HHAT: variants seen among roughly 807,000 people sequenced by gnomAD.
HHAT encodes the protein hedgehog acyltransferase, also known as protein-cysteine N-palmitoyltransferase HHAT.
HHAT carries 47 observed loss-of-function variants against 70.8 expected under a neutral mutation model. The ratio of observed to expected loss-of-function variants is 0.66; its 90% confidence interval spans 0.53 to 0.85. HHAT has a LOEUF of 0.85. Among genes scored for constraint, HHAT ranks in the 40% least tolerant of loss-of-function variants. HHAT has a pLI of 0.00. For synonymous variants in HHAT, 228 were observed against 247.6 expected, an observed-to-expected ratio of 0.92 and a Z score of 0.74; for missense variants, 609 against 604.8, an observed-to-expected ratio of 1.01 and a Z score of -0.07.
chr1:210,555,798 G>A (rs945237719), intron 9 of HHAT, among the ~76,000 whole-genome samples: 1 of 152,158 alleles, frequency 6.6e-6, no homozygotes, highest in South Asian at 2.1e-4. Context: ...ATTCTGCACT[G>A]GTGGCCTCAT....
chr1:210,510,854 C>T (rs1284532905), intron 8 of HHAT, among the ~76,000 whole-genome samples: 2 of 152,210 alleles, frequency 1.3e-5, no homozygotes, highest in African/African-American at 4.8e-5. Flanking sequence ...CCACTATATA[C>T]TGCGGATCTC....
chr1:210,627,567 T>A (rs1670058412), intron 11 of HHAT, among the ~76,000 whole-genome samples: 1 of 151,878 alleles, frequency 6.6e-6, no homozygotes, highest in South Asian at 2.1e-4. Context: ...GTCTAAAGAG[T>A]GGAAGACAGA....
chr1:210,338,324 A>G (rs1031105978), intron 1 of HHAT, among the ~76,000 whole-genome samples: 1 of 152,188 alleles, frequency 6.6e-6, no homozygotes, highest in African/African-American at 2.4e-5. Context: ...TGAACAACAG[A>G]GAGTGAGACC....
At chr1:210,339,859 A>G (rs1214227054) in intron 1 of HHAT, among the ~76,000 whole-genome samples, 1 of 152,144 alleles carries the variant, frequency 6.6e-6, no homozygotes, top group African/African-American at 2.4e-5. Flanking sequence ...AATACATAAT[A>G]TGTTGGTGCG....
chr1:210,503,789 G>T (rs2094803870), intron 8 of HHAT, among the ~76,000 whole-genome samples: 1 of 152,078 alleles, frequency 6.6e-6, no homozygotes, highest in Admixed American at 6.5e-5. Context: ...CTTTCATTTG[G>T]CAAATGTGTC....
At position 210,464,563 on chromosome 1, in the gene HHAT, C is replaced by G; in HGVS notation, c.915C>G (p.Gly305=). Residue 305 remains glycine (G), a synonymous_variant, in exon 8 of 12, where the codon GGC becomes GGG. Coordinates refer to ENST00000261458, the MANE Select transcript of HHAT (RefSeq NM_018194.6). ...ACGTGAAGTACTTGGTGCTCTTTGG[C>G]GTGCCTGCTCTGCTCATGCGCCTGG... ...FFYVKYLVLF[G]VPALLMRLDG... 6.2e-7 allele frequency: 1 copy of G among 1,614,124 alleles called. No homozygotes were observed. The highest frequency in any genetic ancestry group is 8.5e-7 in the Non-Finnish European group (1 of 1,180,002).
At chr1:210,506,185 G>A (rs1158734254) in intron 8 of HHAT, among the ~76,000 whole-genome samples, 1 of 152,198 alleles carries the variant, frequency 6.6e-6, no homozygotes. Flanking sequence ...AGGCTCTAAT[G>A]AGTACAGCAG....
intron 4 of HHAT, among the ~76,000 whole-genome samples, 187 bp downstream of exon 4, chr1:210,387,768 C>T (rs867641923): frequency 6.6e-6 from 1 of 152,186 alleles, no homozygotes; most frequent in Admixed American, 6.5e-5. Context: ...CACTTGCTTT[C>T]TCCAACTTAT....
At chr1:210,370,812 C>T (rs936562441) in intron 3 of HHAT, among the ~76,000 whole-genome samples, 2 of 151,884 alleles carry the variant, frequency 1.3e-5, no homozygotes, top group African/African-American at 4.8e-5. Context: ...GACGGGGTTT[C>T]ACCGCATTAG....
chr1:210,348,451 A>G (rs1215118099), intron 1 of HHAT, among the ~76,000 whole-genome samples: 1 of 152,078 alleles, frequency 6.6e-6, no homozygotes, highest in East Asian at 1.9e-4. Flanking sequence ...CTGTTGATTT[A>G]GAGGTTTGTA....
At chr1:210,584,951 A>G (rs1660105441) in intron 9 of HHAT, among the ~76,000 whole-genome samples, 1 of 152,226 alleles carries the variant, frequency 6.6e-6, no homozygotes, top group South Asian at 2.1e-4. Flanking sequence ...ATTAATCTGT[A>G]GTGAGTGCTT....
At chr1:210,340,200 C>CAGCA (rs374718976) in intron 1 of HHAT, among the ~76,000 whole-genome samples, 9 of 128,048 alleles carry the variant, frequency 7.0e-5, no homozygotes, top group African/African-American at 2.4e-4. Context: ...ATTAGTGGGG[C>CAGCA]AGCACACTCC....
rs1003344376 is a variant in HHAT, at chr1:210,654,643, G to C, written c.1391-19645G>C. 3.3e-5 allele frequency among the ~76,000 whole-genome samples: 5 copies of C among 152,228 alleles called. No homozygotes were observed. In the East Asian group the frequency reaches 9.6e-4, roughly 29 times the overall value. ...TCTGTATATAGTAGGAGCTCAATAA[G>C]TGTTGAATGATGAGAGTCGCATGAT... On this transcript the variant is annotated intron_variant, in intron 11 of 11. Coordinates refer to ENST00000261458, the MANE Select transcript of HHAT (RefSeq NM_018194.6).
chr1:210,402,693 C>T (rs1411063961), intron 5 of HHAT, among the ~76,000 whole-genome samples: 2 of 152,136 alleles, frequency 1.3e-5, no homozygotes, highest in East Asian at 1.9e-4. Context: ...TTCCTCTAAC[C>T]CCCTAGGATC....
chr1:210,443,463 C>G (rs920052699), intron 7 of HHAT, among the ~76,000 whole-genome samples: 1 of 147,294 alleles, frequency 6.8e-6, no homozygotes, highest in East Asian at 2.1e-4. Context: ...GATATGGATT[C>G]TTCCTACCCA....
chr1:210,668,300 C>G (rs1028001272), intron 11 of HHAT, among the ~76,000 whole-genome samples: 1 of 152,182 alleles, frequency 6.6e-6, no homozygotes, highest in Non-Finnish European at 1.5e-5. Context: ...GTTCCTGCTT[C>G]ATTTCCTTTG....
chr1:210,431,628 C>T (rs1253133988), intron 7 of HHAT, among the ~76,000 whole-genome samples: 1 of 151,874 alleles, frequency 6.6e-6, no homozygotes, highest in Non-Finnish European at 1.5e-5. Flanking sequence ...CCAGCAGCTT[C>T]CCCCTTTATG....
chr1:210,474,808 G>A lies in HHAT; in HGVS notation c.1007+10153G>A, dbSNP rs78464684. Among the ~76,000 whole-genome samples the A allele has an allele frequency of 8.2e-3, 1,241 of 150,552 alleles. 13 individuals carry two copies. The highest frequency in any genetic ancestry group is 0.029 in the African/African-American group (1,193 of 40,952). On this transcript the variant is annotated intron_variant, in intron 8 of 11. Coordinates refer to ENST00000261458, the MANE Select transcript of HHAT (RefSeq NM_018194.6). ...CCACACTTCTTTTCTTCCTAACTTG[G>A]CCTCACCTCAGGTGTTTTTTTTTTT...
At chr1:210,637,526 C>A (rs1672100892) in intron 11 of HHAT, among the ~76,000 whole-genome samples, 2 of 151,994 alleles carry the variant, frequency 1.3e-5, no homozygotes, top group Non-Finnish European at 2.9e-5. Flanking sequence ...AAACTTGTAT[C>A]TAGAATATAT....
Sources: gnomAD v4.1 joint callset for allele counts (sites outside exome capture counted in the v4.1 genomes callset) on GRCh38, gnomAD v4.1.1 for gene constraint, MANE v1.5 for transcripts, NCBI Gene and HGNC (gene_info 2026-07-23, HGNC 2026-07-21) for gene names.